The following B2M variants were observed in gnomAD, a reference collection of about 807,000 sequenced individuals.
The protein encoded by B2M is beta chain of MHC class I molecules.
Under a neutral mutation model 14.5 loss-of-function variants are expected in B2M, and 3 were observed. The ratio of observed to expected loss-of-function variants is 0.21; its 90% CI spans 0.09 to 0.53. The LOEUF is 0.53. Ranked by LOEUF, B2M falls within the 20% of genes least tolerant of loss-of-function variation. The pLI is 0.95. For synonymous variants in B2M, 45 were observed against 52.7 expected, an observed-to-expected ratio of 0.85 and a Z score of 0.64; for missense variants, 107 against 140.8, an observed-to-expected ratio of 0.76 and a Z score of 1.21.
intron 1 of B2M, among the ~76,000 whole-genome samples, chr15:44,712,367 A>G (rs190873459): frequency 6.6e-6 from 1 of 152,264 alleles, no homozygotes; most frequent in Admixed American, 6.5e-5. Flanking sequence ...AATTTTGAAA[A>G]CAGTTATCTT....
In B2M at chr15:44,716,367, G is replaced by T. The variant is rs1392019161; in HGVS notation, c.*14+11G>T. On this transcript the variant is annotated intron_variant, in intron 3 of 3. Coordinates refer to ENST00000648006, the MANE Select transcript of B2M (RefSeq NM_004048.4). Reference sequence around the variant, plus strand: ...AGCAGCATCATGGAGGTAAGTTTTTGACCTTGAGAAAATGTTTTTGTTTCA... The same window carrying T: ...AGCAGCATCATGGAGGTAAGTTTTTTACCTTGAGAAAATGTTTTTGTTTCA... 1 of 1,605,950 alleles carries T rather than the reference G, an allele frequency of 6.2e-7. No individual in the cohort carries two copies. The highest frequency in any genetic ancestry group is 8.5e-7 in the Non-Finnish European group (1 of 1,172,808).
intron 2 of B2M, 123 bp from the exon 3 acceptor site, chr15:44,716,206 G>C: frequency 8.7e-7 from 1 of 1,143,318 alleles, no homozygotes; most frequent in Non-Finnish European, 1.3e-6. Context: ...TGTATTCATG[G>C]GTAGGAACAG....
At chr15:44,714,336 C>T (rs1217656681) in intron 1 of B2M, 1 of 152,210 alleles carries the variant, frequency 6.6e-6, no homozygotes, top group African/African-American at 2.4e-5. Context: ...TATTTGCCAG[C>T]TCTTGTATGC....
intron 1 of B2M, among the ~76,000 whole-genome samples, chr15:44,712,266 C>G (rs1595997256): frequency 6.6e-6 from 1 of 152,294 alleles, no homozygotes; most frequent in East Asian, 1.9e-4. Context: ...CTTATTTGTT[C>G]CCATCACATG....
chr15:44,715,945 G>C, intron 2 of B2M: 1 of 630,350 alleles, frequency 1.6e-6, no homozygotes, highest in South Asian at 1.9e-5. Context: ...CAGTTGAGCA[G>C]GGAGCAGCAG....
At chr15:44,713,343 T>C (rs529901817) in intron 1 of B2M, 4 of 152,328 alleles carry the variant, frequency 2.6e-5, no homozygotes, top group African/African-American at 9.6e-5. Context: ...CAATCTGATA[T>C]TTAAAAAAAA....
rs367616676 is a variant in B2M at position 44,714,993 on chromosome 15, A to G, written c.68-430A>G. 1.2e-4 allele frequency: 32 copies of G among 273,598 alleles called. 2 individuals carry two copies. In the East Asian group the frequency reaches 1.2e-3, roughly 10 times the overall value. The allele number at this position is 273,598 out of a possible 1,614,324, so 16.9% of individuals were successfully genotyped here. A position where few individuals can be genotyped will look rare whatever the true frequency, so the allele number is the denominator to read the frequency against. On this transcript the variant is annotated intron_variant, in intron 1 of 3. Transcript: ENST00000648006. ...TAACATGAGTAATTTGATGGGGGCTATTATGAACTGAGAAATGAACTTTGA... is the reference window on the plus strand; with the variant it reads ...TAACATGAGTAATTTGATGGGGGCTGTTATGAACTGAGAAATGAACTTTGA...
At chr15:44,715,868 G>T in intron 2 of B2M, 167 bp downstream of exon 2, 1 of 903,772 alleles carries the variant, frequency 1.1e-6, no homozygotes, top group Non-Finnish European at 1.7e-6. Context: ...TGTTCTTAAA[G>T]ATCAGATTAG....
At chr15:44,712,550 A>G (rs1015867761) in intron 1 of B2M, among the ~76,000 whole-genome samples, 1 of 151,628 alleles carries the variant, frequency 6.6e-6, no homozygotes, top group Non-Finnish European at 1.5e-5. Flanking sequence ...TAATTCGTGC[A>G]TTTTTTTTTA....
At chr15:44,713,472 T>C (rs1653765771) in intron 1 of B2M, 1 of 152,226 alleles carries the variant, frequency 6.6e-6, no homozygotes, top group Non-Finnish European at 1.5e-5. Flanking sequence ...CTCTGACCTG[T>C]GTGTGGGTTT....
chr15:44,711,757 C>T, intron 1 of B2M, 144 bp downstream of exon 1: 1 of 1,114,690 alleles, frequency 9.0e-7, no homozygotes, highest in Non-Finnish European at 1.3e-6. Flanking sequence ...AGGGCTGGAT[C>T]TCGGGGAAGC....
chr15:44,715,663 A>G lies in B2M; in HGVS notation c.308A>G (p.Asn103Ser). Reference sequence around the variant, plus strand: ...AAAGATGAGTATGCCTGCCGTGTGAACCATGTGACTTTGTCACAGCCCAAG... The same window carrying G: ...AAAGATGAGTATGCCTGCCGTGTGAGCCATGTGACTTTGTCACAGCCCAAG... The part of the protein sequence containing the change: ...TEKDEYACRV[N>S]HVTLSQPKIV... The change falls in exon 2 of 4, where the codon AAC (asparagine) becomes AGC (serine). Residue 103 changes from asparagine (N) to serine (S), a missense_variant. Physicochemically the swap from Asn to Ser is conservative, Grantham distance 46. Coordinates refer to ENST00000648006, the MANE Select transcript of B2M (RefSeq NM_004048.4). The G allele has an allele frequency of 6.2e-7, 1 of 1,614,220 alleles. No individual in the cohort carries two copies. The highest frequency in any genetic ancestry group is 8.5e-7 in the Non-Finnish European group (1 of 1,180,032).
intron 3 of B2M, chr15:44,717,320 CAT>C (rs1365117370): frequency 7.1e-6 from 1 of 140,848 alleles, no homozygotes; most frequent in Non-Finnish European, 1.5e-5. Context: ...TGTATCTAAA[CAT>C]AGAAGTTGCA....
chr15:44,712,946 G>A (rs2086899602), intron 1 of B2M: 1 of 151,148 alleles, frequency 6.6e-6, no homozygotes, highest in Non-Finnish European at 1.5e-5. Flanking sequence ...AGCTATCATG[G>A]CGCCAGTGCA....
chr15:44,711,797 G>T (rs1234587763), intron 1 of B2M, 184 bp downstream of exon 1: 1 of 790,274 alleles, frequency 1.3e-6, no homozygotes, highest in Admixed American at 2.0e-5. Flanking sequence ...GGGGAAGGGG[G>T]TGCGCACCCG....
At position 44,715,704 on chromosome 15, in the gene B2M, A is replaced by C; in HGVS notation, c.346+3A>C. The C allele has an allele frequency of 6.2e-7, 1 of 1,614,132 alleles. No individual in the cohort carries two copies. Among genetic ancestry groups the C allele is most frequent in the Non-Finnish European group, 8.5e-7 (1 of 1,179,980 alleles). On this transcript the variant is annotated splice_donor_region_variant and intron_variant, in intron 2 of 3. Coordinates refer to ENST00000648006, the MANE Select transcript of B2M (RefSeq NM_004048.4). ...ACAGCCCAAGATAGTTAAGTGGGGT[A>C]AGTCTTACATTCTTTTGTAAGCTGC...
Position 44,716,309 on chromosome 15 carries a change from C to A in B2M, c.347-20C>A. The A allele has an allele frequency of 6.2e-7, 1 of 1,606,394 alleles. No individual in the cohort carries two copies. ...AAAACTTAATGTCTTCCTTTTTTTTCTCCACTGTCTTTTTCATAGATCGAG... is the reference window on the plus strand; with the variant it reads ...AAAACTTAATGTCTTCCTTTTTTTTATCCACTGTCTTTTTCATAGATCGAG... On this transcript the variant is annotated intron_variant, in intron 2 of 3. Coordinates refer to ENST00000648006, the MANE Select transcript of B2M (RefSeq NM_004048.4).
chr15:44,717,550 G>T lies in B2M; in HGVS notation c.*15-57G>T, dbSNP rs2086957709. On this transcript the variant is annotated intron_variant, in intron 3 of 3. Transcript: ENST00000648006. ...GTAGAAATTAGACAAGTTTGGTAAT[G>T]AGATCTGCAATCCAAATAAAATAAA... 4 of 152,348 alleles carry T rather than the reference G, an allele frequency of 2.6e-5. No individual in the cohort carries two copies. In the South Asian group the frequency reaches 8.3e-4, roughly 32 times the overall value. 9.4% of individuals were successfully genotyped at this position (152,348 alleles called of 1,614,324 possible). A position where few individuals can be genotyped will look rare whatever the true frequency, so the allele number is the denominator to read the frequency against.
chr15:44,713,543 A>C (rs1031395314), intron 1 of B2M: 1 of 152,052 alleles, frequency 6.6e-6, no homozygotes, highest in Non-Finnish European at 1.5e-5. Context: ...AGCTTAAATA[A>C]CTCTCCAAAA....
Sources: allele counts gnomAD v4.1 joint callset (sites outside exome capture counted in the v4.1 genomes callset), GRCh38; gene constraint gnomAD v4.1.1; transcripts MANE v1.5; gene names NCBI Gene and HGNC (gene_info 2026-07-23, HGNC 2026-07-21).